The following ZNF37A variants were observed in gnomAD, a reference collection of about 807,000 sequenced individuals.
The protein encoded by ZNF37A is zinc finger protein 37A, also known as zinc finger protein 37a (KOX 21).
ZNF37A carries 10 observed loss-of-function variants against 12.3 expected under a neutral mutation model. That is an observed-to-expected ratio of 0.82 (90% confidence interval 0.50 to 1.38). The LOEUF (loss-of-function observed/expected upper bound fraction) is 1.38. Ranked by LOEUF, ZNF37A falls within the 40% of genes most tolerant of loss-of-function variation. The pLI is 0.00. For missense variants in ZNF37A, 580 were observed against 651.2 expected (o/e 0.89, Z 1.19); for synonymous variants, 207 against 223.0 (o/e 0.93, Z 0.64).
At chr10:38,103,387 T>G (rs1283402954) in intron 5 of ZNF37A, among the ~76,000 whole-genome samples, 1 of 152,190 alleles carries the variant, frequency 6.6e-6, no homozygotes, top group Non-Finnish European at 1.5e-5. Context: ...AATTACATTT[T>G]TATAATTTTC....
intron 5 of ZNF37A, among the ~76,000 whole-genome samples, chr10:38,111,209 C>T (rs1469940801): frequency 6.6e-6 from 1 of 152,098 alleles, no homozygotes; most frequent in African/African-American, 2.4e-5. Context: ...TGGAAACCAT[C>T]ATTCTCAGCA....
chr10:38,130,451 C>T (rs939257915), downstream of ZNF37A, among the ~76,000 whole-genome samples: 3 of 152,070 alleles, frequency 2.0e-5, no homozygotes, highest in African/African-American at 4.8e-5. Flanking sequence ...GAAAACACCA[C>T]ACTATTTTCT....
At chr10:38,127,189 G>A (rs1372149793), downstream of ZNF37A, among the ~76,000 whole-genome samples, 1 of 152,168 alleles carries the variant, frequency 6.6e-6, no homozygotes, top group Admixed American at 6.5e-5. Context: ...CATGGAATGG[G>A]AGATGTACCT....
intron 7 of ZNF37A, among the ~76,000 whole-genome samples, chr10:38,134,058 T>G (rs1464832709): frequency 6.6e-5 from 10 of 152,346 alleles, no homozygotes; most frequent in Admixed American, 6.5e-4. Context: ...CTGATACCCT[T>G]TCTTCCACTT....
chr10:38,137,649 T>A (rs997510982), intron 7 of ZNF37A: 2 of 152,188 alleles, frequency 1.3e-5, no homozygotes, highest in African/African-American at 4.8e-5. Context: ...ATGTGGGTTA[T>A]GGACCCCAAT....
rs142902228 is a variant in ZNF37A, at chr10:38,112,798, G to T, written c.16-1957G>T. On this transcript the variant is annotated intron_variant, in intron 5 of 7. Coordinates refer to ENST00000685332, the MANE Select transcript of ZNF37A (RefSeq NM_001324250.3). ...TTCTTTTCTTTTCTTTTCTTTTCTT[G>T]TCTTGTCTTGTCTTCTTTTCTTTTC... Among the ~76,000 whole-genome samples the T allele has an allele frequency of 8.0e-3, 275 of 34,242 alleles. 13 individuals are homozygous for T. Among genetic ancestry groups the T allele is most frequent in the African/African-American group, 0.014 (117 of 8,500 alleles). 22.5% of individuals were successfully genotyped at this position (34,242 alleles called of 152,430 possible).
intron 5 of ZNF37A, among the ~76,000 whole-genome samples, chr10:38,103,696 G>A (rs1300279078): frequency 6.6e-6 from 1 of 152,036 alleles, no homozygotes; most frequent in Non-Finnish European, 1.5e-5. Flanking sequence ...ATTTGTTGTT[G>A]CTGTTTATTT....
exon 8 of ZNF37A, chr10:38,149,755 T>G (rs1200305204): frequency 6.6e-6 from 1 of 152,016 alleles, no homozygotes; most frequent in Non-Finnish European, 1.5e-5. Context: ...TTTTGTATTT[T>G]TAGTAGCGAC....
intron 7 of ZNF37A, among the ~76,000 whole-genome samples, chr10:38,116,760 C>G (rs1392361560): frequency 6.6e-6 from 1 of 152,192 alleles, no homozygotes; most frequent in African/African-American, 2.4e-5. Context: ...GGCTTGTTCA[C>G]TCACTGATTT....
At chr10:38,114,647 T>A in intron 5 of ZNF37A, 108 bp from the exon 6 acceptor site, 1 of 1,425,672 alleles carries the variant, frequency 7.0e-7, no homozygotes, top group East Asian at 2.3e-5. Context: ...TATAACAGTT[T>A]CTATTTAATT....
intron 7 of ZNF37A, chr10:38,138,963 T>C (rs1481813224): frequency 6.6e-6 from 1 of 152,030 alleles, no homozygotes; most frequent in Non-Finnish European, 1.5e-5. Flanking sequence ...AACTTAACAT[T>C]CTGTCCCTGC....
rs2067050268 is a variant in ZNF37A at position 38,095,176 on chromosome 10, A to G, written c.-246A>G. ...CTTTCTGTCTTGAATGAGGATTCGA[A>G]CCAAAGGGCTTAGGCCCAGCTGTCT... On this transcript the variant is annotated 5_prime_UTR_variant, in exon 2 of 8. Coordinates refer to ENST00000685332, the MANE Select transcript of ZNF37A (RefSeq NM_001324250.3). The G allele has an allele frequency of 6.6e-6, 1 of 152,198 alleles. No homozygotes were observed. Among genetic ancestry groups the G allele is most frequent in the Non-Finnish European group, 1.5e-5 (1 of 68,154 alleles). 9.4% of individuals were successfully genotyped at this position (152,198 alleles called of 1,614,324 possible). A position where few individuals can be genotyped will look rare whatever the true frequency, so the allele number is the denominator to read the frequency against.
downstream of ZNF37A, among the ~76,000 whole-genome samples, chr10:38,129,316 A>AAAAAAAAAAAAAAAAAAAAAAC (rs1432210552): frequency 7.0e-6 from 1 of 142,430 alleles, no homozygotes; most frequent in Non-Finnish European, 1.5e-5. Context: ...AAAAAAAAAA[A>AAAAAAAAAAAAAAAAAAAAAAC]AAAAAACTAT....
intron 5 of ZNF37A, among the ~76,000 whole-genome samples, chr10:38,113,362 A>G (rs2068984410): frequency 6.6e-6 from 1 of 151,360 alleles, no homozygotes; most frequent in South Asian, 2.1e-4. Context: ...ACAGGCGTCC[A>G]CAGTCAGGCA....
intron 5 of ZNF37A, among the ~76,000 whole-genome samples, chr10:38,100,236 G>T (rs571351468): frequency 4.5e-4 from 68 of 152,286 alleles, no homozygotes; most frequent in African/African-American, 1.5e-3. Flanking sequence ...TCACAGGACC[G>T]CAGGACCGGT....
Position 38,112,790 on chromosome 10 carries a change from C to CG in ZNF37A, c.16-1965_16-1964insG, listed in dbSNP as rs1564932545. Among the ~76,000 whole-genome samples the CG allele has an allele frequency of 1.1e-4, 5 of 44,024 alleles. 2 individuals carry two copies. Among genetic ancestry groups the CG allele is most frequent in the Non-Finnish European group, 2.6e-4 (5 of 19,568 alleles). 28.9% of individuals were successfully genotyped at this position (44,024 alleles called of 152,430 possible). A position where few individuals can be genotyped will look rare whatever the true frequency, so the allele number is the denominator to read the frequency against. On this transcript the variant is annotated intron_variant, in intron 5 of 7. Transcript: ENST00000685332. ...CTTTTCTTTTCTTTTCTTTTCTTTT[C>CG]TTTTCTTGTCTTGTCTTGTCTTCTT...
chr10:38,115,080 T>C, intron 6 of ZNF37A, 115 bp from the exon 7 acceptor site: 1 of 611,364 alleles, frequency 1.6e-6, no homozygotes, highest in East Asian at 4.3e-5. Context: ...TGTGTGTGTG[T>C]GTGTGTGTGT....
chr10:38,098,750 G>T (rs2067336451), intron 5 of ZNF37A, among the ~76,000 whole-genome samples: 1 of 152,184 alleles, frequency 6.6e-6, no homozygotes, highest in Admixed American at 6.5e-5. Context: ...ATGTATTTAT[G>T]TATAGTCTGT....
chr10:38,125,820 G>GGAAGAGGT (rs1275259360), downstream of ZNF37A, among the ~76,000 whole-genome samples: 1 of 152,150 alleles, frequency 6.6e-6, no homozygotes, highest in East Asian at 1.9e-4. Context: ...GCTTATAAAG[G>GGAAGAGGT]GAAGAGGTTT....
Sources: gnomAD v4.1 joint callset for allele counts (sites outside exome capture counted in the v4.1 genomes callset) on GRCh38, gnomAD v4.1.1 for gene constraint, MANE v1.5 for transcripts, NCBI Gene and HGNC (gene_info 2026-07-23, HGNC 2026-07-21) for gene names.